The following ZNF804A variants were observed in gnomAD, a reference collection of about 807,000 sequenced individuals.
ZNF804A encodes zinc finger protein 804A.
A neutral mutation model predicts 16.5 loss-of-function variants in ZNF804A; 2 were observed. That is an observed-to-expected ratio of 0.12 (90% CI 0.05 to 0.38). ZNF804A has a LOEUF of 0.38. Among genes scored for constraint, ZNF804A ranks in the 10% least tolerant of loss-of-function variants. The pLI, the probability that ZNF804A is intolerant of heterozygous loss-of-function variation, is 0.99. For synonymous variants in ZNF804A, 534 were observed against 489.6 expected, an observed-to-expected ratio of 1.09 and a Z score of -1.20; for missense variants, 1,473 against 1,390.7, an observed-to-expected ratio of 1.06 and a Z score of -0.94.
chr2:184,795,043 G>T (rs2105780308), intron 1 of ZNF804A, among the ~76,000 whole-genome samples: 1 of 152,196 alleles, frequency 6.6e-6, no homozygotes, highest in South Asian at 2.1e-4. Flanking sequence ...AGAGACAATG[G>T]ATTTAAACTA....
At chr2:184,864,875 A>ATTTTTTTTTTTTTTTTTTTTT (rs34114485) in intron 1 of ZNF804A, among the ~76,000 whole-genome samples, 6 of 105,478 alleles carry the variant, frequency 5.7e-5, no homozygotes, top group African/African-American at 2.3e-4. Context: ...TATAGTTAGG[A>ATTTTTTTTTTTTTTTTTTTTT]TTTTTTTTTT....
chr2:184,914,296 A>T (rs1006735392), intron 2 of ZNF804A, among the ~76,000 whole-genome samples: 1 of 152,166 alleles, frequency 6.6e-6, no homozygotes, highest in South Asian at 2.1e-4. Flanking sequence ...TCCAAGTTAC[A>T]GTTTAATTGC....
chr2:184,897,186 G>A (rs1440004619), intron 2 of ZNF804A, among the ~76,000 whole-genome samples: 1 of 151,870 alleles, frequency 6.6e-6, no homozygotes, highest in Non-Finnish European at 1.5e-5. Context: ...ATGTTTTGGG[G>A]GGAAGAAAAA....
chr2:184,931,220 C>G (rs1230188231), intron 2 of ZNF804A, among the ~76,000 whole-genome samples: 1 of 152,192 alleles, frequency 6.6e-6, no homozygotes, highest in East Asian at 1.9e-4. Flanking sequence ...AGGACAGTGG[C>G]CATCTTCTCA....
At chr2:184,845,219 T>C (rs956817149) in intron 1 of ZNF804A, among the ~76,000 whole-genome samples, 1 of 152,138 alleles carries the variant, frequency 6.6e-6, no homozygotes, top group Non-Finnish European at 1.5e-5. Context: ...CTTGTTATGA[T>C]GTTTAATTTT....
At chr2:184,603,215 T>TCTAG (rs1324815741) in intron 1 of ZNF804A, among the ~76,000 whole-genome samples, 1 of 152,158 alleles carries the variant, frequency 6.6e-6, no homozygotes, top group Admixed American at 6.5e-5. Flanking sequence ...AAAGCACTGT[T>TCTAG]CTAGGCACCA....
intron 2 of ZNF804A, among the ~76,000 whole-genome samples, chr2:184,875,503 C>G (rs1051338385): frequency 1.3e-5 from 2 of 152,086 alleles, no homozygotes; most frequent in South Asian, 2.1e-4. Flanking sequence ...AGGCTGAAGT[C>G]CTCACCAGAA....
chr2:184,725,626 A>G (rs1693397346), intron 1 of ZNF804A, among the ~76,000 whole-genome samples: 1 of 151,576 alleles, frequency 6.6e-6, no homozygotes, highest in Non-Finnish European at 1.5e-5. Flanking sequence ...TAACTGTAGT[A>G]TAATATGAAA....
chr2:184,937,023 A>C lies in ZNF804A; in HGVS notation c.1627A>C (p.Asn543His). 6.2e-7 allele frequency: 1 copy of C among 1,613,210 alleles called. No homozygotes were observed. Among genetic ancestry groups the C allele is most frequent in the Non-Finnish European group, 8.5e-7 (1 of 1,179,694 alleles). Residue 543 changes from asparagine to histidine, a missense_variant, in exon 4 of 4, where the codon AAC (asparagine) becomes CAC (histidine). Transcript: ENST00000302277. ...TAGTTGTGATTCTGGAAAAAATGAGAACACAGGTCAGAGGTATAAAAACAT... is the reference window on the plus strand; with the variant it reads ...TAGTTGTGATTCTGGAAAAAATGAGCACACAGGTCAGAGGTATAAAAACAT... ...SSSCDSGKNENTGQRYKNISC... is the reference protein window; with the variant it reads ...SSSCDSGKNEHTGQRYKNISC...
At chr2:184,665,151 A>C (rs1692237257) in intron 1 of ZNF804A, among the ~76,000 whole-genome samples, 1 of 152,202 alleles carries the variant, frequency 6.6e-6, no homozygotes, top group Admixed American at 6.5e-5. Context: ...AAAATACTGC[A>C]GGCAACACAT....
At chr2:184,744,692 A>G in intron 1 of ZNF804A, among the ~76,000 whole-genome samples, 1 of 151,916 alleles carries the variant, frequency 6.6e-6, no homozygotes, top group East Asian at 1.9e-4. Context: ...GTTTCCAAAA[A>G]CAATAATATG....
At chr2:184,738,275 C>T (rs961152955) in intron 1 of ZNF804A, among the ~76,000 whole-genome samples, 2 of 151,674 alleles carry the variant, frequency 1.3e-5, no homozygotes, top group African/African-American at 4.8e-5. Context: ...TGGATGAGCA[C>T]TGCTAAAAAA....
intron 1 of ZNF804A, among the ~76,000 whole-genome samples, chr2:184,704,832 G>T (rs1345954506): frequency 6.6e-6 from 1 of 152,162 alleles, no homozygotes; most frequent in African/African-American, 2.4e-5. Context: ...GACACTGGTC[G>T]CTAACAACTG....
At chr2:184,630,033 T>G (rs181249378) in intron 1 of ZNF804A, among the ~76,000 whole-genome samples, 2 of 152,232 alleles carry the variant, frequency 1.3e-5, no homozygotes, top group Admixed American at 6.5e-5. Flanking sequence ...TTTAAAGCAA[T>G]GTTTGTCCTC....
intron 1 of ZNF804A, among the ~76,000 whole-genome samples, chr2:184,672,520 T>TA (rs1692353023): frequency 6.6e-6 from 1 of 152,366 alleles, no homozygotes; most frequent in African/African-American, 2.4e-5. Flanking sequence ...TTTATTTGAA[T>TA]AAGTTGTTTT....
intron 1 of ZNF804A, among the ~76,000 whole-genome samples, chr2:184,647,227 G>A (rs1691893031): frequency 6.6e-6 from 1 of 152,208 alleles, no homozygotes; most frequent in East Asian, 1.9e-4. Context: ...ATATGGCAGT[G>A]GGGGTGGGCA....
At chr2:184,702,636 G>T (rs975037522) in intron 1 of ZNF804A, among the ~76,000 whole-genome samples, 1 of 152,020 alleles carries the variant, frequency 6.6e-6, no homozygotes, top group African/African-American at 2.4e-5. Context: ...TCATAATAAA[G>T]ATATTATCCT....
chr2:184,921,961 A>G (rs1685534936), intron 2 of ZNF804A, among the ~76,000 whole-genome samples: 1 of 152,108 alleles, frequency 6.6e-6, no homozygotes, highest in African/African-American at 2.4e-5. Context: ...TGTATTTTCT[A>G]TGGCTGAATG....
Position 184,900,378 on chromosome 2 carries a change from G to A in ZNF804A, c.256-33225G>A, listed in dbSNP as rs536858502. On this transcript the variant is annotated intron_variant, in intron 2 of 3. Transcript: ENST00000302277. ...TATAAATCCCTGAATTTAAAACTAC[G>A]CGAAGAAGAGTGAGGAGGCTAATTC... Among the ~76,000 whole-genome samples, 12 of 152,146 alleles carry A rather than the reference G, an allele frequency of 7.9e-5. No homozygotes were observed. In the South Asian group the frequency reaches 2.3e-3, roughly 29 times the overall value.
Sources: gnomAD v4.1 joint callset for allele counts (sites outside exome capture counted in the v4.1 genomes callset) on GRCh38, gnomAD v4.1.1 for gene constraint, MANE v1.5 for transcripts, NCBI Gene and HGNC (gene_info 2026-07-23, HGNC 2026-07-21) for gene names.